PTH2R: variants seen among roughly 807,000 people sequenced by gnomAD.
PTH2R encodes PTH2 receptor.
A neutral mutation model predicts 60.3 loss-of-function variants in PTH2R; 59 were observed. That is an observed-to-expected ratio of 0.98 (90% CI 0.79 to 1.22). The LOEUF (loss-of-function observed/expected upper bound fraction) is 1.22, where lower values mean the gene tolerates loss of function less well. Among genes scored for constraint, PTH2R ranks in the 50% most tolerant of loss-of-function variants. The pLI, the probability that PTH2R is intolerant of heterozygous loss-of-function variation, is 0.00. For synonymous variants in PTH2R, 256 were observed against 243.8 expected (o/e 1.05, Z -0.47); for missense variants, 749 against 682.6 (o/e 1.10, Z -1.08).
chr2:208,434,981 G>C (rs1184260065), intron 2 of PTH2R, among the ~76,000 whole-genome samples: 5 of 152,284 alleles, frequency 3.3e-5, no homozygotes, highest in Admixed American at 1.3e-4. Flanking sequence ...GCAAAGCAAG[G>C]CTTTTTCTAA....
chr2:208,415,581 C>A (rs555392690), intron 1 of PTH2R, among the ~76,000 whole-genome samples: 1 of 152,256 alleles, frequency 6.6e-6, no homozygotes, highest in East Asian at 1.9e-4. Context: ...CTTCTAAAGG[C>A]ATAGTGTATG....
intron 1 of PTH2R, among the ~76,000 whole-genome samples, chr2:208,388,610 T>A (rs1461750934): frequency 1.3e-5 from 2 of 152,242 alleles, no homozygotes; most frequent in Non-Finnish European, 2.9e-5. Context: ...GCATAAAATA[T>A]GTCTTTATGA....
At chr2:208,412,827 G>C (rs932028626) in intron 1 of PTH2R, among the ~76,000 whole-genome samples, 1 of 152,214 alleles carries the variant, frequency 6.6e-6, no homozygotes, top group Non-Finnish European at 1.5e-5. Context: ...GGGATCAAAA[G>C]CAGAAACTAC....
rs559653384 is a variant in PTH2R, at chr2:208,493,968, G to C, written c.*309G>C. The C allele has an allele frequency of 1.8e-5, 4 of 227,548 alleles. No homozygotes were observed. Among genetic ancestry groups the C allele is most frequent in the Admixed American group, 5.3e-5 (1 of 18,806 alleles). The allele number at this position is 227,548 out of a possible 1,614,324, so 14.1% of individuals were successfully genotyped here. A position where few individuals can be genotyped will look rare whatever the true frequency, so the allele number is the denominator to read the frequency against. On this transcript the variant is annotated 3_prime_UTR_variant, in exon 13 of 13. Transcript: ENST00000272847. ...AGAAAAAAGATTCAATTGCTTGGCT[G>C]TAGCTTTCTCTCATATATATCACCC... is the stretch of plus-strand genomic sequence containing the variant.
chr2:208,435,038 A>G (rs1024532029), intron 2 of PTH2R, among the ~76,000 whole-genome samples: 1 of 152,222 alleles, frequency 6.6e-6, no homozygotes, highest in Non-Finnish European at 1.5e-5. Context: ...TGCTTCGGCA[A>G]TGCACAAAGC....
intron 1 of PTH2R, among the ~76,000 whole-genome samples, chr2:208,416,366 G>A (rs2105841379): frequency 1.3e-5 from 2 of 152,278 alleles, no homozygotes; most frequent in South Asian, 4.1e-4. Context: ...AATATATCAT[G>A]TGTTATTGAA....
At chr2:208,397,847 C>T (rs1009824054) in intron 1 of PTH2R, among the ~76,000 whole-genome samples, 2 of 152,190 alleles carry the variant, frequency 1.3e-5, no homozygotes, top group Non-Finnish European at 2.9e-5. Context: ...TGGCAGGAAT[C>T]GCCATGTTTG....
rs1229697978 is a variant in PTH2R at position 208,443,502 on chromosome 2, T to C, written c.664T>C (p.Ser222Pro). The change falls in exon 6 of 13, where the codon TCC becomes CCC. Residue 222 changes from serine to proline, a missense_variant. Physicochemically the swap from Ser to Pro is moderately conservative, Grantham distance 74. Transcript: ENST00000272847. ...SLIMQDDPQNSIEATSVDKSQ... is the reference protein window; with the variant it reads ...SLIMQDDPQNPIEATSVDKSQ... ...AATAATGCAGGATGACCCACAAAAT[T>C]CCATTGAGGCAACTTCTGTGGACAA... 6 of 1,610,936 alleles carry C rather than the reference T, an allele frequency of 3.7e-6. No homozygotes were observed. Among genetic ancestry groups the C allele is most frequent in the Non-Finnish European group, 5.1e-6 (6 of 1,179,032 alleles).
chr2:208,402,344 A>G (rs1001371651), upstream of PTH2R, among the ~76,000 whole-genome samples: 2 of 152,086 alleles, frequency 1.3e-5, no homozygotes, highest in African/African-American at 4.8e-5. Flanking sequence ...GTCCATGTTG[A>G]TATTTTGCTT....
intron 1 of PTH2R, among the ~76,000 whole-genome samples, chr2:208,377,450 G>A (rs1431579045): frequency 4.7e-5 from 6 of 127,440 alleles, no homozygotes; most frequent in African/African-American, 7.6e-5. Flanking sequence ...AGGGGCGGCC[G>A]GGCAGAGGTG....
At chr2:208,490,576 A>G (rs1018515260) in intron 11 of PTH2R, 63 bp from the exon 12 acceptor site, 2 of 1,541,038 alleles carry the variant, frequency 1.3e-6, no homozygotes, top group African/African-American at 1.4e-5. Context: ...ATTTTGGCAC[A>G]AGATGCTTAA....
intron 1 of PTH2R, among the ~76,000 whole-genome samples, chr2:208,391,595 A>C (rs143450551): frequency 0.012 from 1,791 of 152,304 alleles, 15 homozygotes; most frequent in Non-Finnish European, 0.018. Flanking sequence ...GATGAGTTTT[A>C]GCTCCCTGAG....
chr2:208,433,872 C>T (rs1188887508), intron 2 of PTH2R, among the ~76,000 whole-genome samples: 1 of 152,064 alleles, frequency 6.6e-6, no homozygotes, highest in Non-Finnish European at 1.5e-5. Flanking sequence ...TCCTGGCACA[C>T]AAAAATAATT....
chr2:208,383,859 C>G (rs1359375286), intron 1 of PTH2R, among the ~76,000 whole-genome samples: 1 of 152,172 alleles, frequency 6.6e-6, no homozygotes, highest in Non-Finnish European at 1.5e-5. Flanking sequence ...CTGGTCAAGA[C>G]AGATCTCCAT....
At chr2:208,432,724 C>T (rs1164199220) in intron 2 of PTH2R, among the ~76,000 whole-genome samples, 2 of 152,170 alleles carry the variant, frequency 1.3e-5, no homozygotes, top group Non-Finnish European at 1.5e-5. Flanking sequence ...CCCAGCAAAC[C>T]ACTGGTGTAA....
chr2:208,480,901 T>C (rs986618121), intron 9 of PTH2R, among the ~76,000 whole-genome samples, 169 bp from the exon 10 acceptor site: 3 of 152,324 alleles, frequency 2.0e-5, no homozygotes, highest in African/African-American at 7.2e-5. Context: ...TTCATGAGGG[T>C]GAATCAAGAA....
chr2:208,462,230 C>T (rs1702649159), intron 9 of PTH2R, among the ~76,000 whole-genome samples: 2 of 151,592 alleles, frequency 1.3e-5, no homozygotes, highest in Non-Finnish European at 2.9e-5. Flanking sequence ...TTATTTTAAT[C>T]AATAATTTAG....
rs77597103 is a variant in PTH2R, at chr2:208,479,490, C to T, written c.982-1580C>T. ...CTTCACCTCAGCTACATCGTATTGC[C>T]GGTGACTGTTGTCTTAGAGAGACAG... On this transcript the variant is annotated intron_variant, in intron 9 of 12. Coordinates refer to ENST00000272847, the MANE Select transcript of PTH2R (RefSeq NM_005048.4). Among the ~76,000 whole-genome samples, 1,021 of 152,270 alleles carry T rather than the reference C, an allele frequency of 6.7e-3. 16 individuals carry two copies. Among genetic ancestry groups the T allele is most frequent in the African/African-American group, 0.023 (947 of 41,544 alleles).
intron 1 of PTH2R, among the ~76,000 whole-genome samples, chr2:208,371,010 T>C (rs999194647): frequency 6.6e-6 from 1 of 151,894 alleles, no homozygotes; most frequent in African/African-American, 2.4e-5. Context: ...CCAGGCTCTT[T>C]AAACAACCAG....
Sources: gnomAD v4.1 joint callset for allele counts (sites outside exome capture counted in the v4.1 genomes callset) on GRCh38, gnomAD v4.1.1 for gene constraint, MANE v1.5 for transcripts, NCBI Gene and HGNC (gene_info 2026-07-23, HGNC 2026-07-21) for gene names.